The following TMEM63C variants were observed in gnomAD, a reference collection of about 807,000 sequenced individuals.
TMEM63C encodes the protein osmosensitive cation channel TMEM63C.
In TMEM63C, 32 loss-of-function variants were observed where a neutral mutation model predicts 99.2. The ratio of observed to expected loss-of-function variants is 0.32; its 90% CI spans 0.24 to 0.43. The LOEUF (loss-of-function observed/expected upper bound fraction) is 0.43, where lower values mean the gene tolerates loss of function less well. Among genes scored for constraint, TMEM63C ranks in the 20% least tolerant of loss-of-function variants. The pLI is 1.00. For synonymous variants in TMEM63C, 376 were observed against 397.9 expected, an observed-to-expected ratio of 0.94 and a Z score of 0.66; for missense variants, 826 against 1,053.0, an observed-to-expected ratio of 0.78 and a Z score of 2.98.
chr14:77,250,002 T>C (rs1291756312), intron 21 of TMEM63C, among the ~76,000 whole-genome samples: 4 of 152,176 alleles, frequency 2.6e-5, no homozygotes, highest in African/African-American at 7.2e-5. Flanking sequence ...GACTGGCTAA[T>C]TGTTTTTAAT....
At chr14:77,233,949 C>T (rs1888990934) in intron 8 of TMEM63C, among the ~76,000 whole-genome samples, 1 of 152,138 alleles carries the variant, frequency 6.6e-6, no homozygotes, top group Non-Finnish European at 1.5e-5. Context: ...TTAACTGGCC[C>T]TAGGTCTGAA....
In TMEM63C at chr14:77,255,157, AT is replaced by A. The variant is rs375526996; in HGVS notation, c.2221-1364del. ...AGGCACATGCCATCACACCTGGCTA[AT>A]TTTTGTATTTTTAGTACAGATGGGG... On this transcript the variant is annotated intron_variant, in intron 23 of 23. Coordinates refer to ENST00000298351, the MANE Select transcript of TMEM63C (RefSeq NM_020431.4). Among the ~76,000 whole-genome samples the A allele has an allele frequency of 1.3e-3, 200 of 152,158 alleles. 5 individuals are homozygous for A. In the East Asian group the frequency reaches 0.029, roughly 22 times the overall value.
At position 77,233,625 on chromosome 14, in the gene TMEM63C, A is replaced by G; in HGVS notation, c.542+125A>G. 3 of 1,001,496 alleles carry G rather than the reference A, an allele frequency of 3.0e-6. No individual in the cohort carries two copies. In the South Asian group the frequency reaches 4.2e-5, roughly 14 times the overall value. 62.0% of individuals were successfully genotyped at this position (1,001,496 alleles called of 1,614,324 possible). ...ATAAGAAAGGCCTGGTTTCCCTGGG[A>G]ATCGGGTCCTGAGTGAGATGCCAGA... On this transcript the variant is annotated intron_variant, in intron 8 of 23. Coordinates refer to ENST00000298351, the MANE Select transcript of TMEM63C (RefSeq NM_020431.4).
At chr14:77,215,513 A>G (rs1888563353) in intron 2 of TMEM63C, among the ~76,000 whole-genome samples, 1 of 148,438 alleles carries the variant, frequency 6.7e-6, no homozygotes, top group Non-Finnish European at 1.5e-5. Context: ...AGGTAGCAGA[A>G]TTGCTTGAAC....
At chr14:77,244,057 A>G (rs566474305) in intron 15 of TMEM63C, among the ~76,000 whole-genome samples, 1 of 151,582 alleles carries the variant, frequency 6.6e-6, no homozygotes, top group African/African-American at 2.4e-5. Context: ...CAGCAAAGGC[A>G]ATTTGCTGGG....
intron 1 of TMEM63C, among the ~76,000 whole-genome samples, chr14:77,206,475 A>ACTTTGGCTTCGATGATGCC: frequency 6.6e-6 from 1 of 152,322 alleles, no homozygotes; most frequent in African/African-American, 2.4e-5. Context: ...TCGATGATGC[A>ACTTTGGCTTCGATGATGCC]CCACCTTGGC....
At chr14:77,210,818 GA>G (rs1181217386) in intron 1 of TMEM63C, among the ~76,000 whole-genome samples, 2 of 152,160 alleles carry the variant, frequency 1.3e-5, no homozygotes, top group African/African-American at 4.8e-5. Context: ...AAGCTACTGA[GA>G]AGGCTAAATG....
intron 1 of TMEM63C, among the ~76,000 whole-genome samples, chr14:77,205,892 T>C (rs1351596469): frequency 6.6e-6 from 1 of 152,174 alleles, no homozygotes. Context: ...CTGCTAGCTG[T>C]ATGACCCTGG....
At position 77,235,510 on chromosome 14, in the gene TMEM63C, G is replaced by A. The variant is rs8009203; in HGVS notation, c.543-1114G>A. 5.1e-4 allele frequency among the ~76,000 whole-genome samples: 4 copies of A among 7,880 alleles called. 1 individual carries two copies. The highest frequency in any genetic ancestry group is 4.3e-4 in the Non-Finnish European group (2 of 4,606). The allele number at this position is 7,880 out of a possible 152,430, so 5.2% of individuals were successfully genotyped here. A position where few individuals can be genotyped will look rare whatever the true frequency, so the allele number is the denominator to read the frequency against. ...GTCTGGGGAGACTGTGATGGGTGGC[G>A]GTTATGGGGAGACTGCAATGGGTGG... On this transcript the variant is annotated intron_variant, in intron 8 of 23. Transcript: ENST00000298351.
chr14:77,202,040 G>A (rs1415478743), intron 1 of TMEM63C, among the ~76,000 whole-genome samples: 2 of 152,164 alleles, frequency 1.3e-5, no homozygotes, highest in African/African-American at 4.8e-5. Flanking sequence ...TCCCTTCTAG[G>A]TGCTCCCTGC....
intron 12 of TMEM63C, 133 bp downstream of exon 12, chr14:77,239,859 T>C: frequency 1.6e-6 from 2 of 1,277,204 alleles, no homozygotes; most frequent in East Asian, 2.6e-5. Context: ...ACCCAGCTCC[T>C]TCCTCCCCAT....
chr14:77,220,125 G>A, intron 5 of TMEM63C, 38 bp downstream of exon 5: 1 of 1,534,822 alleles, frequency 6.5e-7, no homozygotes, highest in Non-Finnish European at 8.8e-7. Context: ...GGGAGTCCCA[G>A]CACTGGGCAG....
At chr14:77,205,653 C>T (rs977110262) in intron 1 of TMEM63C, among the ~76,000 whole-genome samples, 1 of 152,162 alleles carries the variant, frequency 6.6e-6, no homozygotes, top group Admixed American at 6.5e-5. Flanking sequence ...GGGGCAGAGA[C>T]AACCAAGGCC....
intron 7 of TMEM63C, among the ~76,000 whole-genome samples, chr14:77,232,489 T>C (rs552272217): frequency 1.2e-4 from 19 of 152,124 alleles, no homozygotes; most frequent in Admixed American, 2.6e-4. Flanking sequence ...GTTTTCACCA[T>C]GTTGGCCAGG....
chr14:77,183,698 C>T (rs1482437094), intron 1 of TMEM63C, among the ~76,000 whole-genome samples: 1 of 152,154 alleles, frequency 6.6e-6, no homozygotes, highest in East Asian at 1.9e-4. Context: ...TTTCAGACAC[C>T]CTCTGAGCAC....
At chr14:77,246,107 T>C in intron 17 of TMEM63C, 81 bp downstream of exon 17, 1 of 1,095,956 alleles carries the variant, frequency 9.1e-7, no homozygotes, top group South Asian at 1.2e-5. Flanking sequence ...ACTGTAGACC[T>C]GCCTGTGATT....
chr14:77,232,921 C>G (rs1197322366), intron 7 of TMEM63C, among the ~76,000 whole-genome samples: 1 of 152,184 alleles, frequency 6.6e-6, no homozygotes, highest in East Asian at 1.9e-4. Context: ...GTCCATGCCA[C>G]CAAATGCCAC....
At chr14:77,240,648 C>G in intron 13 of TMEM63C, 40 bp downstream of exon 13, 1 of 1,595,192 alleles carries the variant, frequency 6.3e-7, no homozygotes, top group Non-Finnish European at 8.5e-7. Flanking sequence ...CCCAAGCATA[C>G]TCCTGCTTCT....
At chr14:77,192,786 G>A (rs986778156) in intron 1 of TMEM63C, among the ~76,000 whole-genome samples, 2 of 151,736 alleles carry the variant, frequency 1.3e-5, no homozygotes, top group Non-Finnish European at 2.9e-5. Context: ...AGACAAAGAC[G>A]AAGGAGGAGG....
Sources: allele counts gnomAD v4.1 joint callset (sites outside exome capture counted in the v4.1 genomes callset), GRCh38; gene constraint gnomAD v4.1.1; transcripts MANE v1.5; gene names NCBI Gene and HGNC (gene_info 2026-07-23, HGNC 2026-07-21).